The following CSMD1 variants were observed in gnomAD, a reference collection of about 807,000 sequenced individuals.
CSMD1 encodes CUB and Sushi multiple domains 1, also known as CUB and sushi domain-containing protein 1.
Under a neutral mutation model 417.5 loss-of-function variants are expected in CSMD1, and 213 were observed. The ratio of observed to expected loss-of-function variants is 0.51; its 90% CI spans 0.46 to 0.57. The LOEUF is 0.57. Among genes scored for constraint, CSMD1 ranks in the 20% least tolerant of loss-of-function variants. The pLI is 0.00. For missense variants in CSMD1, 6,923 were observed against 4,529.7 expected, an observed-to-expected ratio of 1.53 and a Z score of -15.17; for synonymous variants, 2,862 against 1,736.8, an observed-to-expected ratio of 1.65 and a Z score of -16.11.
Position 2,955,731 on chromosome 8 carries a change from C to T in CSMD1, c.9852G>A (p.Ala3284=), listed in dbSNP as rs201203325. Residue 3284 remains alanine, a synonymous_variant, in exon 64 of 70, where the codon GCG becomes GCA. Coordinates refer to ENST00000635120, the MANE Select transcript of CSMD1 (RefSeq NM_033225.6). ...TAGGAAGATCGATGGCTCTCACATC[C>T]GCGTGTGCCGGGGTTTCTGGCTGTC... is the stretch of plus-strand genomic sequence containing the variant. ...ACRQPETPAH[A]DVRAIDLPTF... The T allele has an allele frequency of 6.2e-5, 100 of 1,613,686 alleles. No homozygotes were observed. Among genetic ancestry groups the T allele is most frequent in the Non-Finnish European group, 7.7e-5 (91 of 1,179,790 alleles).
At chr8:4,160,139 A>C (rs375693835) in intron 3 of CSMD1, among the ~76,000 whole-genome samples, 85 of 152,250 alleles carry the variant, frequency 5.6e-4, no homozygotes, top group African/African-American at 1.9e-3. Context: ...CTTAATTCCA[A>C]GTATTAACTT....
intron 2 of CSMD1, among the ~76,000 whole-genome samples, chr8:4,464,147 G>C (rs1337159840): frequency 1.4e-5 from 2 of 146,528 alleles, no homozygotes; most frequent in Non-Finnish European, 3.0e-5. Flanking sequence ...TATCCCTCCA[G>C]CTGGAATTCT....
chr8:3,111,262 G>A (rs1042902408), intron 42 of CSMD1, among the ~76,000 whole-genome samples: 97 of 152,250 alleles, frequency 6.4e-4, no homozygotes, highest in African/African-American at 2.3e-3. Context: ...ACCATGAGGC[G>A]GGATATGATA....
chr8:4,963,953 C>G (rs1563883896), intron 1 of CSMD1, among the ~76,000 whole-genome samples: 1 of 151,980 alleles, frequency 6.6e-6, no homozygotes, highest in African/African-American at 2.4e-5. Context: ...GATTTCATAC[C>G]AAATACTCTA....
intron 5 of CSMD1, among the ~76,000 whole-genome samples, chr8:3,838,043 G>C (rs563246178): frequency 2.6e-5 from 4 of 152,166 alleles, no homozygotes; most frequent in Non-Finnish European, 5.9e-5. Flanking sequence ...TGTATGTATT[G>C]ATTAGTGTGA....
In CSMD1 at chr8:3,052,476, G is replaced by T; in HGVS notation, c.7646C>A (p.Pro2549Gln). Residue 2549 changes from proline to glutamine, a missense_variant, in exon 50 of 70, where the codon CCG becomes CAG. Physicochemically the swap from Pro to Gln is moderately conservative, Grantham distance 76. Transcript: ENST00000635120. ...TGAACACTTACGCTTACACGTGGGC[G>T]GCTTCCCCTTGTTACTCCACAACCC... ...EDGLWSNKGKPPTCKPVACPS... is the reference protein window; with the variant it reads ...EDGLWSNKGKQPTCKPVACPS... 1.3e-6 allele frequency: 2 copies of T among 1,579,962 alleles called. No individual in the cohort carries two copies. The highest frequency in any genetic ancestry group is 1.7e-6 in the Non-Finnish European group (2 of 1,162,226).
chr8:3,692,811 A>T (rs1287049148), intron 7 of CSMD1, among the ~76,000 whole-genome samples: 1 of 152,174 alleles, frequency 6.6e-6, no homozygotes, highest in African/African-American at 2.4e-5. Context: ...CTGGACCCTA[A>T]TATGCATGGC....
At chr8:3,878,101 G>C (rs539865643) in intron 5 of CSMD1, among the ~76,000 whole-genome samples, 2 of 152,008 alleles carry the variant, frequency 1.3e-5, no homozygotes, top group South Asian at 2.1e-4. Flanking sequence ...GCTTCTGCCT[G>C]TCTTCCTTCC....
At chr8:3,018,699 C>T (rs1276113388) in intron 51 of CSMD1, 49 bp from the exon 52 acceptor site, 3 of 1,492,284 alleles carry the variant, frequency 2.0e-6, no homozygotes, top group South Asian at 1.2e-5. Flanking sequence ...ATGCAGATTA[C>T]TCCTGTGCTC....
At chr8:4,194,158 A>C (rs1445812624) in intron 3 of CSMD1, among the ~76,000 whole-genome samples, 1 of 152,192 alleles carries the variant, frequency 6.6e-6, no homozygotes, top group South Asian at 2.1e-4. Context: ...AAAACAATTA[A>C]AATATTGCCC....
At chr8:2,960,561 T>G (rs1333730234) in intron 62 of CSMD1, among the ~76,000 whole-genome samples, 3 of 152,232 alleles carry the variant, frequency 2.0e-5, no homozygotes, top group Non-Finnish European at 2.9e-5. Flanking sequence ...CAACGTTCAC[T>G]GAAGTGTTAG....
chr8:4,415,137 T>C (rs1015282057), intron 3 of CSMD1, among the ~76,000 whole-genome samples: 2 of 152,132 alleles, frequency 1.3e-5, no homozygotes, highest in African/African-American at 4.8e-5. Flanking sequence ...CTCAATTTTC[T>C]ACCCTTCAGA....
chr8:3,782,733 G>C (rs1181501643), intron 5 of CSMD1, among the ~76,000 whole-genome samples: 1 of 152,170 alleles, frequency 6.6e-6, no homozygotes, highest in Non-Finnish European at 1.5e-5. Context: ...GGGTGTTGGT[G>C]ATACTGAATT....
At chr8:3,480,134 G>A (rs1320973966) in intron 11 of CSMD1, among the ~76,000 whole-genome samples, 2 of 152,076 alleles carry the variant, frequency 1.3e-5, no homozygotes, top group African/African-American at 4.8e-5. Flanking sequence ...CTAGGTGGAT[G>A]GATTGCCTGA....
At chr8:3,414,902 G>A (rs1037861415) in intron 12 of CSMD1, among the ~76,000 whole-genome samples, 3 of 152,018 alleles carry the variant, frequency 2.0e-5, no homozygotes, top group African/African-American at 4.8e-5. Context: ...TGTATCCTAC[G>A]TGTCTCTAGC....
At chr8:4,761,587 G>A (rs1253957412) in intron 1 of CSMD1, among the ~76,000 whole-genome samples, 1 of 151,986 alleles carries the variant, frequency 6.6e-6, no homozygotes, top group Non-Finnish European at 1.5e-5. Flanking sequence ...AGCTGCGATG[G>A]TTACCTCTTA....
chr8:4,709,640 A>G (rs1410727465), intron 1 of CSMD1, among the ~76,000 whole-genome samples: 1 of 152,186 alleles, frequency 6.6e-6, no homozygotes, highest in Non-Finnish European at 1.5e-5. Flanking sequence ...GGAGCCCAAG[A>G]CTACTGGGGG....
At chr8:3,303,131 G>A (rs1804544751) in intron 25 of CSMD1, among the ~76,000 whole-genome samples, 1 of 152,190 alleles carries the variant, frequency 6.6e-6, no homozygotes, top group Non-Finnish European at 1.5e-5. Context: ...ATGTTGATAG[G>A]AATGGAGAAA....
chr8:4,044,933 C>A (rs940598187), intron 3 of CSMD1, among the ~76,000 whole-genome samples: 12 of 140,560 alleles, frequency 8.5e-5, no homozygotes, highest in Admixed American at 7.3e-5. Flanking sequence ...AAAAAATGTC[C>A]CCATGGCATC....
Sources: gnomAD v4.1 joint callset for allele counts (sites outside exome capture counted in the v4.1 genomes callset) on GRCh38, gnomAD v4.1.1 for gene constraint, MANE v1.5 for transcripts, NCBI Gene and HGNC (gene_info 2026-07-23, HGNC 2026-07-21) for gene names.